The following FBLN1 variants were observed in gnomAD, a reference collection of about 807,000 sequenced individuals.
The protein encoded by FBLN1 is fibulin-1.
In FBLN1, 34 loss-of-function variants were observed where a neutral mutation model predicts 89.7. The ratio of observed to expected loss-of-function variants is 0.38; its 90% CI spans 0.29 to 0.50. The LOEUF (loss-of-function observed/expected upper bound fraction) is 0.50. FBLN1 is among the 20% of genes least tolerant of loss of function. FBLN1 has a pLI of 0.92. For synonymous variants in FBLN1, 393 were observed against 391.3 expected (o/e 1.00, Z -0.05); for missense variants, 777 against 988.1 (o/e 0.79, Z 2.86).
At chr22:45,544,539 G>A (rs181861328) in intron 11 of FBLN1, among the ~76,000 whole-genome samples, 298 of 152,348 alleles carry the variant, frequency 2.0e-3, no homozygotes, top group African/African-American at 6.8e-3. Flanking sequence ...CAGAGAAACC[G>A]TTTACATTTG....
chr22:45,519,763 G>A (rs1011726448), intron 2 of FBLN1, among the ~76,000 whole-genome samples: 10 of 152,206 alleles, frequency 6.6e-5, no homozygotes, highest in Admixed American at 1.3e-4. Context: ...CAGCCAGTCT[G>A]GCCCCGGGAA....
chr22:45,528,667 C>G (rs116435274), intron 4 of FBLN1, among the ~76,000 whole-genome samples: 53 of 152,182 alleles, frequency 3.5e-4, no homozygotes, highest in African/African-American at 1.2e-3. Flanking sequence ...TAAAATATAG[C>G]TTCACAGCAA....
chr22:45,531,530 A>C lies in FBLN1; in HGVS notation c.544+206A>C, dbSNP rs970988678. 3.3e-5 allele frequency among the ~76,000 whole-genome samples: 5 copies of C among 152,150 alleles called. No homozygotes were observed. The highest frequency in any genetic ancestry group is 2.0e-4 in the Admixed American group (3 of 15,276). ...GCTGGACCCCGTCTCAAAAACAAAA[A>C]AACAAACAAACAAAAAGCAAAACCA... On this transcript the variant is annotated intron_variant, in intron 5 of 16. Coordinates refer to ENST00000327858, the MANE Select transcript of FBLN1 (RefSeq NM_006486.3). The surrounding 1 kb of genome is among the most constrained non-coding windows in gnomAD (Gnocchi z 4.9).
chr22:45,543,351 G>T, intron 10 of FBLN1, 50 bp from the exon 11 acceptor site: 1 of 1,605,578 alleles, frequency 6.2e-7, no homozygotes, highest in Non-Finnish European at 8.5e-7. Context: ...GTGGAGTGTG[G>T]TGCCACTGTG....
intron 8 of FBLN1, chr22:45,535,677 A>T (rs1177096664): frequency 3.4e-6 from 1 of 295,132 alleles, no homozygotes; most frequent in Non-Finnish European, 6.5e-6. Context: ...CTGGGTTTAG[A>T]TTAAAGAGCT....
chr22:45,588,813 C>CAAAA lies in FBLN1; in HGVS notation c.1973-11482_1973-11479dup, dbSNP rs10714602. Reference sequence around the variant, plus strand: ...GTAGAGGCATGTTGTGCAAAATTAGCAAAAAAAAAAAAAAAGGAATGACGA... The same window carrying CAAAA: ...GTAGAGGCATGTTGTGCAAAATTAGCAAAAAAAAAAAAAAAAAAAGGAATGACGA... On this transcript the variant is annotated intron_variant, in intron 16 of 16. Coordinates refer to ENST00000327858, the MANE Select transcript of FBLN1 (RefSeq NM_006486.3). This position sits in a 1 kb window ranked among gnomAD's most constrained non-coding sequence, Gnocchi z 5.1. Among the ~76,000 whole-genome samples, 15 of 138,790 alleles carry CAAAA rather than the reference C, an allele frequency of 1.1e-4. No individual in the cohort carries two copies. Among genetic ancestry groups the CAAAA allele is most frequent in the African/African-American group, 3.7e-4 (14 of 38,088 alleles). 91.1% of individuals were successfully genotyped at this position (138,790 alleles called of 152,430 possible). A position where few individuals can be genotyped will look rare whatever the true frequency, so the allele number is the denominator to read the frequency against.
chr22:45,542,898 C>T (rs1401171678), intron 10 of FBLN1, among the ~76,000 whole-genome samples: 3 of 152,254 alleles, frequency 2.0e-5, no homozygotes, highest in Admixed American at 6.5e-5. Flanking sequence ...CAGGCAGGCA[C>T]AGCGCGGCAG....
chr22:45,511,234 A>C (rs1284411821), intron 1 of FBLN1, among the ~76,000 whole-genome samples: 1 of 151,246 alleles, frequency 6.6e-6, no homozygotes, highest in Non-Finnish European at 1.5e-5. Flanking sequence ...AGCTCACTGC[A>C]ACCTCTGCCT....
In FBLN1 at chr22:45,577,474, G is replaced by A. The variant is rs906262421; in HGVS notation, c.1972+366G>A. The stretch of plus-strand genomic sequence containing the variant: ...GTCCTGAGGGCTGGCACAGTCCCGC[G>A]GTCGGTGGGAGCTAAGGGGATTGTT... On this transcript the variant is annotated intron_variant, in intron 16 of 16. Coordinates refer to ENST00000327858, the MANE Select transcript of FBLN1 (RefSeq NM_006486.3). The surrounding 1 kb of genome is among the most constrained non-coding windows in gnomAD (Gnocchi z 6.6). Among the ~76,000 whole-genome samples the A allele has an allele frequency of 2.0e-5, 3 of 152,346 alleles. No individual in the cohort carries two copies. The highest frequency in any genetic ancestry group is 3.4e-3 in the Middle Eastern group (1 of 294).
At chr22:45,524,627 G>A (rs1223483025) in intron 2 of FBLN1, among the ~76,000 whole-genome samples, 1 of 152,142 alleles carries the variant, frequency 6.6e-6, no homozygotes, top group Admixed American at 6.5e-5. Context: ...GGGGTGGAAG[G>A]TTGGGCCCAG....
intron 13 of FBLN1, 41 bp downstream of exon 13, chr22:45,548,785 T>C: frequency 1.2e-6 from 2 of 1,609,128 alleles, no homozygotes; most frequent in South Asian, 1.1e-5. Context: ...ACGCTCTGCT[T>C]GGGGCCCTGC....
chr22:45,585,769 G>A (rs1253018263), intron 16 of FBLN1, among the ~76,000 whole-genome samples: 1 of 152,176 alleles, frequency 6.6e-6, no homozygotes, highest in Non-Finnish European at 1.5e-5. Context: ...CAGAGACTGG[G>A]AGATGGAAGG....
chr22:45,585,567 C>T (rs3788662), intron 16 of FBLN1, among the ~76,000 whole-genome samples: 53,703 of 152,086 alleles, frequency 0.35, 11,609 homozygotes, highest in Admixed American at 0.52. Flanking sequence ...CCAGGGATGA[C>T]GCGCTTTCTC....
intron 2 of FBLN1, among the ~76,000 whole-genome samples, chr22:45,522,776 A>T (rs548029822): frequency 6.6e-6 from 1 of 152,230 alleles, no homozygotes; most frequent in Non-Finnish European, 1.5e-5. Flanking sequence ...TTTTGGAGGA[A>T]TCTGGACACA....
intron 9 of FBLN1, 85 bp from the exon 10 acceptor site, chr22:45,542,070 C>T: frequency 6.3e-7 from 1 of 1,598,482 alleles, no homozygotes; most frequent in Non-Finnish European, 8.5e-7. Context: ...CCATGTGTTC[C>T]TTTCTTGCTT....
chr22:45,524,405 G>T (rs983950049), intron 2 of FBLN1, among the ~76,000 whole-genome samples: 7 of 152,232 alleles, frequency 4.6e-5, no homozygotes, highest in African/African-American at 1.7e-4. Context: ...ACAGCCTCAT[G>T]GTTGTGTTGG....
chr22:45,510,550 A>G (rs1055976093), intron 1 of FBLN1, among the ~76,000 whole-genome samples: 1 of 152,090 alleles, frequency 6.6e-6, no homozygotes, highest in African/African-American at 2.4e-5. Context: ...CAACCTGGGA[A>G]TTAAGATCCT....
intron 1 of FBLN1, among the ~76,000 whole-genome samples, chr22:45,503,774 A>G (rs2087980683): frequency 6.6e-6 from 1 of 152,090 alleles, no homozygotes; most frequent in Non-Finnish European, 1.5e-5. Flanking sequence ...ACTTCCACCA[A>G]CGGCAAGGGG....
In FBLN1 at chr22:45,531,464, GAGCTATGACTGCACCTTTGCA is replaced by G; in HGVS notation, c.544+141_544+161del. The G allele has an allele frequency of 1.4e-6, 1 of 732,040 alleles. No homozygotes were observed. The highest frequency in any genetic ancestry group is 2.4e-6 in the Non-Finnish European group (1 of 409,900). The allele number at this position is 732,040 out of a possible 1,614,324, so 45.3% of individuals were successfully genotyped here. ...GAGCCCAGGAGGTTGTGGCTGCAGT[GAGCTATGACTGCACCTTTGCA>G]CTCTAGCCTGGGCAACAGAGCTGGA... On this transcript the variant is annotated intron_variant, in intron 5 of 16. Transcript: ENST00000327858. This position sits in a 1 kb window ranked among gnomAD's most constrained non-coding sequence, Gnocchi z 4.9.
Sources: gnomAD v4.1 joint callset for allele counts (sites outside exome capture counted in the v4.1 genomes callset) on GRCh38, gnomAD v4.1.1 for gene constraint, Gnocchi (gnomAD v3.1) non-coding constraint, MANE v1.5 for transcripts, NCBI Gene and HGNC (gene_info 2026-07-23, HGNC 2026-07-21) for gene names.